The following MCC variants were observed in gnomAD, a reference collection of about 807,000 sequenced individuals.
MCC encodes the protein MCC regulator of Wnt signaling pathway.
MCC carries 90 observed loss-of-function variants against 116.2 expected under a neutral mutation model. The observed-to-expected ratio is 0.77, with a 90% CI of 0.65 to 0.92. MCC has a LOEUF of 0.92. Ranked by LOEUF, MCC falls within the 40% of genes least tolerant of loss-of-function variation. The pLI is 0.00. For missense variants in MCC, 1,516 were observed against 1,312.2 expected (o/e 1.16, Z -2.40); for synonymous variants, 578 against 510.5 (o/e 1.13, Z -1.78).
At chr5:113,201,653 A>G (rs995887642) in intron 3 of MCC, among the ~76,000 whole-genome samples, 9 of 152,212 alleles carry the variant, frequency 5.9e-5, no homozygotes, top group African/African-American at 2.2e-4. Flanking sequence ...TATTAAAAAT[A>G]TGCTCTAGAT....
chr5:113,150,020 T>G (rs986943152), intron 4 of MCC, among the ~76,000 whole-genome samples: 1 of 152,166 alleles, frequency 6.6e-6, no homozygotes, highest in Admixed American at 6.5e-5. Flanking sequence ...ACAGGAAGAT[T>G]TGAAGAGGCT....
At chr5:113,480,749 T>C (rs998946040) in intron 1 of MCC, among the ~76,000 whole-genome samples, 3 of 152,178 alleles carry the variant, frequency 2.0e-5, no homozygotes, top group Non-Finnish European at 4.4e-5. Context: ...AAAAGGTGAT[T>C]TGGAAGATTT....
At chr5:113,057,470 C>T (rs1186777319) in intron 14 of MCC, among the ~76,000 whole-genome samples, 1 of 149,358 alleles carries the variant, frequency 6.7e-6, no homozygotes, top group Non-Finnish European at 1.5e-5. Context: ...GACTACTGAT[C>T]ATCAGCATTA....
chr5:113,283,149 T>C (rs1193532766), intron 3 of MCC, among the ~76,000 whole-genome samples: 2 of 152,204 alleles, frequency 1.3e-5, no homozygotes, highest in Admixed American at 1.3e-4. Flanking sequence ...TTATTTTCTG[T>C]GGAGAGGCTA....
At chr5:113,189,163 G>A (rs1581225781) in intron 3 of MCC, among the ~76,000 whole-genome samples, 1 of 152,148 alleles carries the variant, frequency 6.6e-6, no homozygotes, top group East Asian at 1.9e-4. Flanking sequence ...TGGGTGCACT[G>A]AGCCCAGTGA....
chr5:113,165,627 G>A (rs1478084922), intron 3 of MCC, among the ~76,000 whole-genome samples: 1 of 152,162 alleles, frequency 6.6e-6, no homozygotes. Flanking sequence ...GAAGAATAAA[G>A]AGGAGGCCAC....
intron 5 of MCC, among the ~76,000 whole-genome samples, chr5:113,129,801 G>T (rs13170088): frequency 1.3e-5 from 2 of 152,050 alleles, no homozygotes; most frequent in African/African-American, 4.8e-5. Flanking sequence ...TCTCACACCA[G>T]TTAGAATGGC....
At chr5:113,449,292 C>T (rs780385092) in intron 1 of MCC, among the ~76,000 whole-genome samples, 10 of 151,988 alleles carry the variant, frequency 6.6e-5, no homozygotes, top group East Asian at 1.9e-4. Flanking sequence ...AAATTAGCCT[C>T]GGAAAGATAA....
At chr5:113,157,216 C>G (rs1306379218) in intron 3 of MCC, among the ~76,000 whole-genome samples, 2 of 152,220 alleles carry the variant, frequency 1.3e-5, no homozygotes, top group African/African-American at 4.8e-5. Flanking sequence ...CTACACTACC[C>G]AGTGCACACA....
At chr5:113,100,464 CT>C (rs10649958) in intron 8 of MCC, among the ~76,000 whole-genome samples, 10 of 78,846 alleles carry the variant, frequency 1.3e-4, no homozygotes, top group African/African-American at 1.9e-4. Context: ...GTATTTTTCC[CT>C]TTTTTTTTTT....
chr5:113,121,851 C>T (rs1426326380), intron 6 of MCC, among the ~76,000 whole-genome samples: 1 of 150,850 alleles, frequency 6.6e-6, no homozygotes, highest in Non-Finnish European at 1.5e-5. Context: ...TTTGACTCCA[C>T]ACCCTTCAAC....
intron 3 of MCC, among the ~76,000 whole-genome samples, chr5:113,253,013 G>T (rs1047213484): frequency 6.6e-6 from 1 of 152,126 alleles, no homozygotes; most frequent in Admixed American, 6.5e-5. Context: ...TATTATGTGA[G>T]AATTAATTTC....
chr5:113,340,656 T>G lies in MCC; in HGVS notation c.490A>C (p.Ser164Arg). ...AGCAGCTTCTGGAGGGCTGACTGGCTCTGCACATCCGGGCTCTGGAGGTCC... is the reference window on the plus strand; with the variant it reads ...AGCAGCTTCTGGAGGGCTGACTGGCGCTGCACATCCGGGCTCTGGAGGTCC... ...ARDLQSPDVQ[S>R]QSALQKLLEY... Residue 164 changes from serine to arginine, a missense_variant, in exon 3 of 19, where the codon AGC becomes CGC. Physicochemically the swap from Ser to Arg is moderately radical, Grantham distance 110 (BLOSUM62 -1). Coordinates refer to ENST00000408903, the MANE Select transcript of MCC (RefSeq NM_001085377.2). 1 of 1,614,150 alleles carries G rather than the reference T, an allele frequency of 6.2e-7. No individual in the cohort carries two copies.
intron 13 of MCC, among the ~76,000 whole-genome samples, chr5:113,066,007 A>T (rs1357619686): frequency 3.3e-5 from 5 of 152,236 alleles, no homozygotes; most frequent in African/African-American, 1.2e-4. Context: ...CTCTCCACAA[A>T]TAAGACATTT....
intron 3 of MCC, among the ~76,000 whole-genome samples, chr5:113,338,893 T>C (rs1767935217): frequency 6.6e-6 from 1 of 152,212 alleles, no homozygotes; most frequent in African/African-American, 2.4e-5. Flanking sequence ...ATGAATGTTT[T>C]TACAGATTTT....
intron 3 of MCC, among the ~76,000 whole-genome samples, chr5:113,301,721 G>T (rs1457303116): frequency 6.6e-6 from 1 of 152,094 alleles, no homozygotes; most frequent in African/African-American, 2.4e-5. Context: ...AGAGGGAACA[G>T]TAAGGGCAAA....
At chr5:113,446,065 C>T (rs1031825887) in intron 1 of MCC, among the ~76,000 whole-genome samples, 2 of 152,144 alleles carry the variant, frequency 1.3e-5, no homozygotes, top group African/African-American at 4.8e-5. Flanking sequence ...TTCAACTGAA[C>T]CCCTACCTTT....
At chr5:113,142,559 G>C (rs1053106415) in intron 5 of MCC, among the ~76,000 whole-genome samples, 1 of 149,466 alleles carries the variant, frequency 6.7e-6, no homozygotes, top group African/African-American at 2.4e-5. Context: ...TCTGGGTTCT[G>C]ACCCACCTCT....
chr5:113,295,674 A>G (rs930586494), intron 3 of MCC, among the ~76,000 whole-genome samples: 21 of 152,306 alleles, frequency 1.4e-4, no homozygotes, highest in African/African-American at 4.8e-4. Context: ...CTCCCCTTCA[A>G]CTTTGAGTTC....
Sources: gnomAD v4.1 joint callset for allele counts (sites outside exome capture counted in the v4.1 genomes callset) on GRCh38, gnomAD v4.1.1 for gene constraint, MANE v1.5 for transcripts, NCBI Gene and HGNC (gene_info 2026-07-23, HGNC 2026-07-21) for gene names.